NVL: variants seen among roughly 807,000 people sequenced by gnomAD.
NVL encodes the protein nuclear VCP like, also known as nuclear valosin-containing protein-like.
Under a neutral mutation model 110.2 loss-of-function variants are expected in NVL, and 84 were observed. The ratio of observed to expected loss-of-function variants is 0.76; its 90% confidence interval spans 0.64 to 0.91. NVL has a LOEUF of 0.91. Ranked by LOEUF, NVL falls within the 40% of genes least tolerant of loss-of-function variation. The pLI is 0.00. For missense variants in NVL, 882 were observed against 1,035.9 expected (o/e 0.85, Z 2.04); for synonymous variants, 354 against 361.1 (o/e 0.98, Z 0.22).
chr1:224,319,183 C>A (rs1670398643), intron 2 of NVL, among the ~76,000 whole-genome samples: 1 of 147,334 alleles, frequency 6.8e-6, no homozygotes, highest in Non-Finnish European at 1.5e-5. Flanking sequence ...AAAAGGATAT[C>A]TGCATAGCTA....
intron 12 of NVL, among the ~76,000 whole-genome samples, 187 bp from the exon 13 acceptor site, chr1:224,289,920 G>C (rs1309438941): frequency 6.6e-6 from 1 of 152,190 alleles, no homozygotes; most frequent in Non-Finnish European, 1.5e-5. Flanking sequence ...TTCCAGAAAG[G>C]ATTATGGTAA....
chr1:224,296,845 T>C (rs1667931581), intron 10 of NVL, among the ~76,000 whole-genome samples: 1 of 152,186 alleles, frequency 6.6e-6, no homozygotes, highest in South Asian at 2.1e-4. Flanking sequence ...GGTAACACAT[T>C]TATAGTCTCT....
chr1:224,316,863 C>T (rs1372775615), intron 4 of NVL, among the ~76,000 whole-genome samples: 1 of 151,894 alleles, frequency 6.6e-6, no homozygotes, highest in East Asian at 1.9e-4. Context: ...GTTGGCCAGG[C>T]GCAATGGCTC....
At chr1:224,245,907 A>C (rs1661759996) in intron 19 of NVL, among the ~76,000 whole-genome samples, 1 of 150,554 alleles carries the variant, frequency 6.6e-6, no homozygotes, top group Non-Finnish European at 1.5e-5. Flanking sequence ...GTGAGCCACC[A>C]TGCCCGGCCA....
chr1:224,254,581 T>TG (rs1003483332), intron 18 of NVL, among the ~76,000 whole-genome samples: 1 of 144,292 alleles, frequency 6.9e-6, no homozygotes, highest in African/African-American at 2.5e-5. Context: ...TGTTTTTTTT[T>TG]TTTTTGTATT....
chr1:224,265,435 C>T (rs1173479585), intron 18 of NVL, among the ~76,000 whole-genome samples: 1 of 152,052 alleles, frequency 6.6e-6, no homozygotes, highest in Non-Finnish European at 1.5e-5. Flanking sequence ...ACCCAGGAGG[C>T]AGAGGTTGCA....
At chr1:224,322,643 G>A (rs1388631962) in intron 2 of NVL, among the ~76,000 whole-genome samples, 1 of 152,144 alleles carries the variant, frequency 6.6e-6, no homozygotes, top group African/African-American at 2.4e-5. Flanking sequence ...AGATGGCTCT[G>A]AAGTGACTGC....
intron 2 of NVL, among the ~76,000 whole-genome samples, chr1:224,324,277 T>C (rs1670930502): frequency 6.6e-6 from 1 of 152,170 alleles, no homozygotes; most frequent in Admixed American, 6.6e-5. Flanking sequence ...AGGTCCATCA[T>C]TGACTGAAAC....
At chr1:224,302,921 T>A (rs1313734301) in intron 9 of NVL, 1 of 322,016 alleles carries the variant, frequency 3.1e-6, no homozygotes, top group South Asian at 2.3e-5. Flanking sequence ...TGGTGGTATG[T>A]GTCTGTGTTT....
In NVL at chr1:224,275,319, C is replaced by T; in HGVS notation, c.2082+20G>A. 2 of 1,613,788 alleles carry T rather than the reference C, an allele frequency of 1.2e-6. No individual in the cohort carries two copies. The highest frequency in any genetic ancestry group is 1.7e-6 in the Non-Finnish European group (2 of 1,179,852). ...TATTGTGCTAAAAGAATCTGAAAAC[C>T]ACTAGTCCATGATACTTACCTCTCG... is the stretch of plus-strand genomic sequence containing the variant. On this transcript the variant is annotated intron_variant, in intron 17 of 22. Coordinates refer to ENST00000281701, the MANE Select transcript of NVL (RefSeq NM_002533.4).
At chr1:224,314,052 A>C (rs1048980741) in intron 4 of NVL, among the ~76,000 whole-genome samples, 3 of 152,220 alleles carry the variant, frequency 2.0e-5, no homozygotes, top group African/African-American at 7.2e-5. Context: ...AAAAACAGCA[A>C]AGATTAAATT....
chr1:224,315,719 A>G (rs1669998215), intron 4 of NVL, among the ~76,000 whole-genome samples: 1 of 152,252 alleles, frequency 6.6e-6, no homozygotes, highest in African/African-American at 2.4e-5. Context: ...TTCTAATCTT[A>G]GATATTTAAC....
chr1:224,313,895 C>A (rs935923461), intron 4 of NVL, among the ~76,000 whole-genome samples: 1 of 152,102 alleles, frequency 6.6e-6, no homozygotes, highest in South Asian at 2.1e-4. Flanking sequence ...CCCAACTACT[C>A]GGGAGGCTGA....
In NVL at chr1:224,227,348, T is replaced by A; in HGVS notation, c.*278A>T. On this transcript the variant is annotated 3_prime_UTR_variant, in exon 23 of 23. Transcript: ENST00000281701. ...TAACTTTTCTGTATAGTCAAAATAG[T>A]TCAAAGTAAAAGTTTTATTTGAAAA... 1 of 251,674 alleles carries A rather than the reference T, an allele frequency of 4.0e-6. No homozygotes were observed. Among genetic ancestry groups the A allele is most frequent in the East Asian group, 7.7e-5 (1 of 12,916 alleles). The allele number at this position is 251,674 out of a possible 1,614,324, so 15.6% of individuals were successfully genotyped here. A position where few individuals can be genotyped will look rare whatever the true frequency, so the allele number is the denominator to read the frequency against.
chr1:224,319,355 T>C (rs189078701), intron 2 of NVL, among the ~76,000 whole-genome samples: 143 of 151,892 alleles, frequency 9.4e-4, no homozygotes, highest in African/African-American at 3.4e-3. Flanking sequence ...TGGCCCAGGC[T>C]GGAGTGCAGT....
chr1:224,237,270 A>G (rs889201489), intron 19 of NVL, among the ~76,000 whole-genome samples: 7 of 152,194 alleles, frequency 4.6e-5, no homozygotes, highest in Non-Finnish European at 8.8e-5. Context: ...AAGAAATAAT[A>G]CTGAACCTGG....
chr1:224,245,253 T>C (rs902526908), intron 19 of NVL, among the ~76,000 whole-genome samples: 3 of 152,220 alleles, frequency 2.0e-5, no homozygotes, highest in African/African-American at 4.8e-5. Flanking sequence ...AGAACATACA[T>C]GGGCAGGAAG....
intron 20 of NVL, among the ~76,000 whole-genome samples, chr1:224,236,111 T>G (rs576619102): frequency 6.6e-6 from 1 of 152,202 alleles, no homozygotes; most frequent in Admixed American, 6.5e-5. Flanking sequence ...ATAGGAAGGA[T>G]GAAGGCAGAA....
intron 15 of NVL, among the ~76,000 whole-genome samples, chr1:224,281,401 C>T (rs371036441): frequency 2.4e-4 from 37 of 151,572 alleles, no homozygotes; most frequent in African/African-American, 8.7e-4. Flanking sequence ...CCCGGGTTGA[C>T]GCCATTCTCC....
Sources: gnomAD v4.1 joint callset for allele counts (sites outside exome capture counted in the v4.1 genomes callset) on GRCh38, gnomAD v4.1.1 for gene constraint, MANE v1.5 for transcripts, NCBI Gene and HGNC (gene_info 2026-07-23, HGNC 2026-07-21) for gene names.